The following DMD variants were observed in gnomAD, a reference collection of about 807,000 sequenced individuals.
DMD encodes mutant dystrophin.
A neutral mutation model predicts 330.1 loss-of-function variants in DMD; 63 were observed. The observed-to-expected ratio is 0.19, with a 90% CI of 0.16 to 0.24. DMD has a LOEUF of 0.24. DMD is among the 10% of genes least tolerant of loss of function. The pLI, the probability that DMD is intolerant of heterozygous loss-of-function variation, is 1.00. For synonymous variants in DMD, 1,223 were observed against 959.8 expected, an observed-to-expected ratio of 1.27 and a Z score of -5.07; for missense variants, 3,344 against 2,684.1, an observed-to-expected ratio of 1.25 and a Z score of -5.43.
At chrX:32,716,438 G>A (rs1179671956) in intron 7 of DMD, among the ~76,000 whole-genome samples, 1 of 111,297 alleles carries the variant, frequency 9.0e-6, no homozygotes, top group African/African-American at 3.3e-5. Context: ...AATTTCCTGA[G>A]GTATCCCCAG....
At chrX:33,211,178 C>A (rs907879084) in intron 1 of DMD, 104 bp downstream of exon 1, 1 of 979,280 alleles carries the variant, frequency 1.0e-6, no homozygotes, top group African/African-American at 1.9e-5. Context: ...TGCTTCTTTG[C>A]AAACTACTGT....
intron 67 of DMD, among the ~76,000 whole-genome samples, chrX:31,201,199 GCA>G (rs1207889434): frequency 6.9e-4 from 27 of 39,300 alleles, no homozygotes; most frequent in Admixed American, 5.8e-3. Flanking sequence ...ACACACACAC[GCA>G]CACACACACA....
intron 16 of DMD, among the ~76,000 whole-genome samples, chrX:32,562,091 A>G (rs1249309109): frequency 8.9e-6 from 1 of 112,236 alleles, no homozygotes; most frequent in Non-Finnish European, 1.9e-5. Flanking sequence ...AATTACAAGT[A>G]TGTTTATAAA....
At chrX:32,418,134 C>T (rs1453121823) in intron 29 of DMD, among the ~76,000 whole-genome samples, 2 of 110,819 alleles carry the variant, frequency 1.8e-5, no homozygotes, top group African/African-American at 3.3e-5. Flanking sequence ...TCTTTATTAC[C>T]TCAGAGGCCA....
At chrX:33,003,916 T>C (rs2093342152) in intron 2 of DMD, among the ~76,000 whole-genome samples, 1 of 112,463 alleles carries the variant, frequency 8.9e-6, no homozygotes, top group Admixed American at 9.5e-5. Context: ...CAATCAGTAA[T>C]ATAAAGCATT....
At chrX:32,013,268 G>C (rs752936878) in intron 44 of DMD, among the ~76,000 whole-genome samples, 1 of 108,640 alleles carries the variant, frequency 9.2e-6, no homozygotes, top group East Asian at 2.9e-4. Context: ...TGTATATTTA[G>C]TAGAGATAGA....
intron 42 of DMD, among the ~76,000 whole-genome samples, chrX:32,289,858 A>G (rs1368435362): frequency 8.9e-6 from 1 of 111,909 alleles, no homozygotes; most frequent in Non-Finnish European, 1.9e-5. Flanking sequence ...CATATAATCA[A>G]GAAATAACTA....
intron 1 of DMD, among the ~76,000 whole-genome samples, chrX:33,086,721 A>C (rs1342485184): frequency 1.8e-5 from 2 of 109,987 alleles, no homozygotes; most frequent in East Asian, 5.6e-4. Context: ...ATGTTAAAAA[A>C]TATTTAAACT....
chrX:32,290,815 GA>G (rs1029125391), intron 42 of DMD, among the ~76,000 whole-genome samples: 3 of 111,668 alleles, frequency 2.7e-5, no homozygotes, highest in African/African-American at 6.5e-5. Context: ...AAGAATTGAA[GA>G]AAAAAATCCA....
At chrX:32,160,741 G>T (rs753161886) in intron 44 of DMD, among the ~76,000 whole-genome samples, 1 of 111,289 alleles carries the variant, frequency 9.0e-6, no homozygotes, top group South Asian at 3.8e-4. Context: ...TTGTAGAATT[G>T]TTATTGCAAT....
intron 34 of DMD, among the ~76,000 whole-genome samples, chrX:32,379,150 T>C (rs1189181584): frequency 9.1e-6 from 1 of 109,852 alleles, no homozygotes; most frequent in Non-Finnish European, 1.9e-5. Context: ...AAGATCTAGA[T>C]AGAGTGATAA....
chrX:32,709,173 CAAT>C (rs2064957136), intron 7 of DMD, among the ~76,000 whole-genome samples: 1 of 111,174 alleles, frequency 9.0e-6, no homozygotes, highest in Non-Finnish European at 1.9e-5. Context: ...ACTACAAATA[CAAT>C]AATATCCATG....
At chrX:32,702,671 A>C (rs1255902096) in intron 7 of DMD, among the ~76,000 whole-genome samples, 1 of 111,483 alleles carries the variant, frequency 9.0e-6, no homozygotes, top group Non-Finnish European at 1.9e-5. Flanking sequence ...ACTTGAGAGA[A>C]ATAGGAGGCT....
At chrX:31,470,373 T>A (rs1472442060) in intron 59 of DMD, among the ~76,000 whole-genome samples, 1 of 111,851 alleles carries the variant, frequency 8.9e-6, no homozygotes, top group African/African-American at 3.3e-5. Flanking sequence ...GACGTCCTTT[T>A]TGTTGATGTT....
chrX:31,654,266 A>G (rs2080639321), intron 54 of DMD, among the ~76,000 whole-genome samples: 1 of 111,717 alleles, frequency 9.0e-6, no homozygotes, highest in Non-Finnish European at 1.9e-5. Context: ...AATTTTGCCT[A>G]GGTTTCTCCA....
chrX:31,340,055 G>A (rs902100598), intron 61 of DMD, among the ~76,000 whole-genome samples: 13 of 112,458 alleles, frequency 1.2e-4, no homozygotes, highest in East Asian at 8.3e-4. Context: ...TGTATGTGTA[G>A]TGGGGAATGT....
chrX:31,697,067 T>C (rs2083489821), intron 52 of DMD, among the ~76,000 whole-genome samples: 2 of 112,318 alleles, frequency 1.8e-5, no homozygotes, highest in African/African-American at 6.5e-5. Flanking sequence ...AGAGCGAAGC[T>C]GTTATCCTAA....
chrX:33,166,263 A>C (rs1003543936), intron 1 of DMD, among the ~76,000 whole-genome samples: 1 of 111,384 alleles, frequency 9.0e-6, no homozygotes, highest in African/African-American at 3.3e-5. Context: ...AAAGGCAAGG[A>C]GTAATTTAAC....
rs200760744 is a variant in DMD, at chrX:32,374,056, T to G, written c.4845+6454A>C. ...TAATTGGCATCTCTCTGATGATTAG[T>G]GATATTGAAGATTTTTTAATATGCT... On this transcript the variant is annotated intron_variant, in intron 34 of 78. Transcript: ENST00000357033. Among the ~76,000 whole-genome samples the G allele has an allele frequency of 8.0e-5, 9 of 111,922 alleles. No individual in the cohort carries two copies. In the East Asian group the frequency reaches 2.2e-3, roughly 28 times the overall value.
Sources: gnomAD v4.1 joint callset for allele counts (sites outside exome capture counted in the v4.1 genomes callset) on GRCh38, gnomAD v4.1.1 for gene constraint, MANE v1.5 for transcripts, NCBI Gene and HGNC (gene_info 2026-07-23, HGNC 2026-07-21) for gene names.